The following CUL2 variants were observed in gnomAD, a reference collection of about 807,000 sequenced individuals.
CUL2 encodes cullin-2.
A neutral mutation model predicts 110.2 loss-of-function variants in CUL2; 22 were observed. That is an observed-to-expected ratio of 0.20 (90% CI 0.14 to 0.28). The LOEUF (loss-of-function observed/expected upper bound fraction) is 0.28. CUL2 is among the 10% of genes least tolerant of loss of function. The pLI is 1.00. For missense variants in CUL2, 631 were observed against 905.5 expected, an observed-to-expected ratio of 0.70 and a Z score of 3.89; for synonymous variants, 279 against 293.2, an observed-to-expected ratio of 0.95 and a Z score of 0.49.
intron 4 of CUL2, among the ~76,000 whole-genome samples, chr10:35,058,551 C>T (rs1354127773): frequency 1.3e-5 from 2 of 152,178 alleles, no homozygotes; most frequent in East Asian, 1.9e-4. Flanking sequence ...TGATAAGTGT[C>T]GATTCTTAGC....
intron 1 of CUL2, among the ~76,000 whole-genome samples, chr10:35,105,896 G>A (rs1391020277): frequency 1.3e-5 from 2 of 150,722 alleles, no homozygotes; most frequent in Non-Finnish European, 2.9e-5. Context: ...ATGACATATT[G>A]GTATGATGAC....
intron 1 of CUL2, chr10:35,089,843 G>A (rs2087161775): frequency 6.6e-6 from 1 of 151,976 alleles, no homozygotes; most frequent in South Asian, 2.1e-4. Context: ...AACACACAGA[G>A]TTGTGTATTC....
intron 1 of CUL2, among the ~76,000 whole-genome samples, chr10:35,089,032 G>A (rs752710326): frequency 6.6e-6 from 1 of 152,144 alleles, no homozygotes; most frequent in Non-Finnish European, 1.5e-5. Context: ...AAAATTAGCC[G>A]GGCATGGTGG....
chr10:35,068,151 T>C (rs1226390658), intron 2 of CUL2, among the ~76,000 whole-genome samples: 2 of 147,556 alleles, frequency 1.4e-5, no homozygotes, highest in Non-Finnish European at 3.0e-5. Context: ...CTGGGTGCAA[T>C]GGCTCACACC....
At chr10:35,093,659 CAAAAA>C (rs58582764), upstream of CUL2, among the ~76,000 whole-genome samples, 12 of 87,806 alleles carry the variant, frequency 1.4e-4, no homozygotes, top group African/African-American at 3.5e-4. Context: ...GACCTTCTCT[CAAAAA>C]AAAAAAAAAA....
intron 1 of CUL2, among the ~76,000 whole-genome samples, chr10:35,075,168 G>C (rs1032206283): frequency 6.6e-6 from 1 of 152,114 alleles, no homozygotes; most frequent in African/African-American, 2.4e-5. Context: ...AGCAAATCTG[G>C]AAGCCAACGT....
intron 1 of CUL2, among the ~76,000 whole-genome samples, chr10:35,103,356 G>A (rs1320409745): frequency 8.8e-5 from 11 of 124,848 alleles, no homozygotes; most frequent in South Asian, 2.5e-4. Context: ...ACGGAGTTTC[G>A]CTCTGTCGCC....
intron 17 of CUL2, among the ~76,000 whole-genome samples, chr10:35,018,949 A>G (rs1433847397): frequency 6.6e-6 from 1 of 152,130 alleles, no homozygotes; most frequent in Non-Finnish European, 1.5e-5. Context: ...ATAGCCCTCT[A>G]AATTTTCACA....
chr10:35,016,628 G>A (rs1041447013), intron 17 of CUL2, among the ~76,000 whole-genome samples: 2 of 152,072 alleles, frequency 1.3e-5, no homozygotes, highest in Admixed American at 6.6e-5. Flanking sequence ...TCACCAGTAG[G>A]TTAAAACAGT....
At chr10:35,036,057 G>A (rs966871680) in intron 9 of CUL2, among the ~76,000 whole-genome samples, 1 of 152,118 alleles carries the variant, frequency 6.6e-6, no homozygotes, top group Non-Finnish European at 1.5e-5. Flanking sequence ...GTAATCACAC[G>A]CAGGATAAGA....
At position 35,033,273 on chromosome 10, in the gene CUL2, T is replaced by C. The variant is rs1301905284; in HGVS notation, c.1003A>G (p.Met335Val). The C allele has an allele frequency of 8.7e-6, 14 of 1,606,338 alleles. No individual in the cohort carries two copies. Among genetic ancestry groups the C allele is most frequent in the Non-Finnish European group, 1.2e-5 (14 of 1,173,318 alleles). ...ACTGACTCCACAAATAGTGTTGGCATCTAAAAATGAAATATAAGTACAAAA... is the reference window on the plus strand; with the variant it reads ...ACTGACTCCACAAATAGTGTTGGCACCTAAAAATGAAATATAAGTACAAAA... ...RATSNLTQENMPTLFVESVLE... is the reference protein window; with the variant it reads ...RATSNLTQENVPTLFVESVLE... The change falls in exon 11 of 21, where the codon ATG becomes GTG. Residue 335 changes from methionine (M) to valine (V), a missense_variant and splice_region_variant. By Grantham distance (21) the Met-to-Val change is conservative. Around this residue, in one of 3 missense-constraint regions of CUL2, gnomAD observed 338 missense variants for 442.5 expected, o/e 0.76. Transcript: ENST00000374749.
chr10:35,106,458 T>A (rs1366388519), intron 1 of CUL2, among the ~76,000 whole-genome samples: 4 of 151,906 alleles, frequency 2.6e-5, no homozygotes, highest in Admixed American at 6.6e-5. Flanking sequence ...TAGCTGTGAC[T>A]AGAGGCGCCG....
rs576194069 is a variant in CUL2, at chr10:35,034,406, A to G, written c.1002+766T>C. Among the ~76,000 whole-genome samples, 4 of 152,372 alleles carry G rather than the reference A, an allele frequency of 2.6e-5. No individual in the cohort carries two copies. The South Asian group carries it at 8.3e-4, about 32-fold the overall frequency. ...CTTACACATTATTGTGGCATAACATAAAAACTAAAAATTATTACTTGCCAA... is the reference window on the plus strand; with the variant it reads ...CTTACACATTATTGTGGCATAACATGAAAACTAAAAATTATTACTTGCCAA... On this transcript the variant is annotated intron_variant, in intron 10 of 20. Transcript: ENST00000374749.
At chr10:35,023,908 C>A (rs888156965) in intron 17 of CUL2, among the ~76,000 whole-genome samples, 1 of 152,138 alleles carries the variant, frequency 6.6e-6, no homozygotes, top group Non-Finnish European at 1.5e-5. Flanking sequence ...GATCATGGCT[C>A]ACTGCAGCCT....
intron 2 of CUL2, among the ~76,000 whole-genome samples, chr10:35,096,582 C>G (rs1408246014): frequency 6.6e-6 from 1 of 152,148 alleles, no homozygotes; most frequent in Non-Finnish European, 1.5e-5. Context: ...CACTGCACTA[C>G]AGACTGGGTA....
At chr10:35,117,095 G>A (rs773226737) in intron 1 of CUL2, among the ~76,000 whole-genome samples, 3 of 151,886 alleles carry the variant, frequency 2.0e-5, no homozygotes, top group Non-Finnish European at 2.9e-5. Flanking sequence ...TGAATTTATC[G>A]AAGAGTTGAG....
At chr10:35,025,890 A>G (rs949676015) in intron 16 of CUL2, among the ~76,000 whole-genome samples, 18 of 152,240 alleles carry the variant, frequency 1.2e-4, no homozygotes, top group African/African-American at 3.9e-4. Context: ...AAACTGCATT[A>G]TGCCAGTTCA....
rs2084852365 is a variant in CUL2, at chr10:35,009,723, T to C, written c.*588A>G. 6.6e-6 allele frequency: 1 copy of C among 152,626 alleles called. No homozygotes were observed. Among genetic ancestry groups the C allele is most frequent in the Admixed American group, 6.5e-5 (1 of 15,280 alleles). 9.5% of individuals were successfully genotyped at this position (152,626 alleles called of 1,614,324 possible). On this transcript the variant is annotated 3_prime_UTR_variant, in exon 21 of 21. Transcript: ENST00000374749. ...CAGTCAAGAACAATAATCTAGACATTTTTCATGTAGGATTTAAATAGGAGT... is the reference window on the plus strand; with the variant it reads ...CAGTCAAGAACAATAATCTAGACATCTTTCATGTAGGATTTAAATAGGAGT...
intron 4 of CUL2, among the ~76,000 whole-genome samples, chr10:35,057,709 C>T (rs1052077877): frequency 6.6e-5 from 10 of 151,812 alleles, no homozygotes; most frequent in Admixed American, 5.2e-4. Context: ...ATAAACAGTG[C>T]CATTTTTCAT....
Sources: gnomAD v4.1 joint callset for allele counts (sites outside exome capture counted in the v4.1 genomes callset) on GRCh38, gnomAD v4.1.1 for gene constraint, gnomAD v4.1.1 regional missense constraint, MANE v1.5 for transcripts, NCBI Gene and HGNC (gene_info 2026-07-23, HGNC 2026-07-21) for gene names.